FAM98A: variants seen among roughly 807,000 people sequenced by gnomAD.
FAM98A encodes the protein protein FAM98A.
FAM98A carries 25 observed loss-of-function variants against 62.9 expected under a neutral mutation model. The observed-to-expected ratio is 0.40, with a 90% confidence interval of 0.29 to 0.56. The LOEUF is 0.56. Among genes scored for constraint, FAM98A ranks in the 20% least tolerant of loss-of-function variants. FAM98A has a pLI of 0.51. For missense variants in FAM98A, 653 were observed against 640.7 expected, an observed-to-expected ratio of 1.02 and a Z score of -0.21; for synonymous variants, 252 against 228.6, an observed-to-expected ratio of 1.10 and a Z score of -0.92.
rs1369765897 is a variant in FAM98A at position 33,599,288 on chromosome 2, G to A, written c.-67C>T. Reference sequence around the variant, plus strand: ...CTTCGCCGGCAACGCGTACACTCGCGCATGCGCGACTTCCCCGGAACTTCC... The same window carrying A: ...CTTCGCCGGCAACGCGTACACTCGCACATGCGCGACTTCCCCGGAACTTCC... On this transcript the variant is annotated 5_prime_UTR_variant, in exon 1 of 8. Coordinates refer to ENST00000238823, the MANE Select transcript of FAM98A (RefSeq NM_015475.5). 8.9e-6 allele frequency: 12 copies of A among 1,351,572 alleles called. No individual in the cohort carries two copies. Among genetic ancestry groups the A allele is most frequent in the African/African-American group, 4.3e-5 (3 of 69,848 alleles). The allele number at this position is 1,351,572 out of a possible 1,614,324, so 83.7% of individuals were successfully genotyped here. A position where few individuals can be genotyped will look rare whatever the true frequency, so the allele number is the denominator to read the frequency against.
At chr2:33,594,480 G>A (rs1459199699) in intron 2 of FAM98A, among the ~76,000 whole-genome samples, 3 of 136,928 alleles carry the variant, frequency 2.2e-5, no homozygotes, top group South Asian at 2.3e-4. Flanking sequence ...CATGGCACAC[G>A]TATCCCTATG....
intron 1 of FAM98A, among the ~76,000 whole-genome samples, chr2:33,597,986 A>C (rs897452213): frequency 1.3e-5 from 2 of 152,224 alleles, no homozygotes; most frequent in Admixed American, 6.5e-5. Flanking sequence ...AATGACTTTA[A>C]CATATGCCCT....
intron 1 of FAM98A, 120 bp from the exon 2 acceptor site, chr2:33,595,757 A>C (rs1461856705): frequency 1.5e-6 from 1 of 645,942 alleles, no homozygotes; most frequent in Non-Finnish European, 2.4e-6. Context: ...GTTAGTACTT[A>C]TCTTTATTTT....
intron 3 of FAM98A, among the ~76,000 whole-genome samples, chr2:33,590,154 A>C (rs1301132373): frequency 6.6e-6 from 1 of 152,206 alleles, no homozygotes; most frequent in African/African-American, 2.4e-5. Flanking sequence ...ATGCAAAAAT[A>C]AAAGATGAAT....
In FAM98A at chr2:33,585,152, T is replaced by C. The variant is rs1677512978; in HGVS notation, c.1181A>G (p.Tyr394Cys). The change falls in exon 8 of 8, where the codon TAC (tyrosine) becomes TGC (cysteine). Residue 394 changes from tyrosine to cysteine, a missense_variant. Physicochemically the swap from Tyr to Cys is radical, Grantham distance 194. Transcript: ENST00000238823. ...TDGGSGGGGG[Y>C]QDGGYRDSGF... ...TGAATCTCGATAACCACCATCTTGG[T>C]AGCCACCTCCTCCACCACTCCCTCC... 3 of 1,614,008 alleles carry C rather than the reference T, an allele frequency of 1.9e-6. No individual in the cohort carries two copies. The highest frequency in any genetic ancestry group is 1.7e-5 in the Admixed American group (1 of 60,002).
Position 33,599,292 on chromosome 2 carries a change from G to T in FAM98A, c.-71C>A, listed in dbSNP as rs1558552571. The stretch of plus-strand genomic sequence containing the variant: ...GCCGGCAACGCGTACACTCGCGCAT[G>T]CGCGACTTCCCCGGAACTTCCAAAT... On this transcript the variant is annotated 5_prime_UTR_variant, in exon 1 of 8. Transcript: ENST00000238823. 7.7e-7 allele frequency: 1 copy of T among 1,298,302 alleles called. No homozygotes were observed. The highest frequency in any genetic ancestry group is 1.1e-6 in the Non-Finnish European group (1 of 891,644). 80.4% of individuals were successfully genotyped at this position (1,298,302 alleles called of 1,614,324 possible).
At chr2:33,589,352 C>T (rs1429440136) in intron 3 of FAM98A, 3 of 152,090 alleles carry the variant, frequency 2.0e-5, no homozygotes, top group Non-Finnish European at 2.9e-5. Context: ...AAGGACATTT[C>T]AATTTTTATA....
At chr2:33,587,149 T>G (rs965233151) in intron 5 of FAM98A, 91 bp downstream of exon 5, 24 of 817,122 alleles carry the variant, frequency 2.9e-5, no homozygotes, top group African/African-American at 5.2e-5. Context: ...TAAGAAAACA[T>G]AATTTAAAAA....
chr2:33,586,771 G>C, intron 5 of FAM98A, 93 bp from the exon 6 acceptor site: 1 of 758,402 alleles, frequency 1.3e-6, no homozygotes, highest in South Asian at 1.5e-5. Context: ...ATTCATAACT[G>C]AGATCCCGGC....
chr2:33,599,110 G>C, intron 1 of FAM98A, 59 bp downstream of exon 1: 1 of 1,402,274 alleles, frequency 7.1e-7, no homozygotes, highest in Admixed American at 1.7e-5. Flanking sequence ...GGGCGCAGGA[G>C]GTGTTCCCAG....
At chr2:33,588,298 C>CTT in intron 4 of FAM98A, 37 bp downstream of exon 4, 1 of 1,492,898 alleles carries the variant, frequency 6.7e-7, no homozygotes. Context: ...TAGGACTATG[C>CTT]CTTTAATACA....
At position 33,584,510 on chromosome 2, in the gene FAM98A, C is replaced by T; in HGVS notation, c.*266G>A. The T allele has an allele frequency of 2.3e-6, 1 of 426,480 alleles. No homozygotes were observed. The highest frequency in any genetic ancestry group is 2.0e-5 in the African/African-American group (1 of 50,504). The allele number at this position is 426,480 out of a possible 1,614,324, so 26.4% of individuals were successfully genotyped here. On this transcript the variant is annotated 3_prime_UTR_variant, in exon 8 of 8. Transcript: ENST00000238823. ...ATGTTCTGACTGTGGAATTAGTCTA[C>T]TGGGCAATTAAAGGCAATTTTAACC...
chr2:33,584,830 T>C lies in FAM98A; in HGVS notation c.1503A>G (p.Gly501=), dbSNP rs750498204. Residue 501 remains glycine (G), a synonymous_variant, in exon 8 of 8, where the codon GGA becomes GGG. Coordinates refer to ENST00000238823, the MANE Select transcript of FAM98A (RefSeq NM_015475.5). ...ATCCAGAATGATTATACTGATAACC[T>C]CCATGCTGGAAATGCTGTTCAAATT... ...GGQFEQHFQH[G]GYQYNHSGFG... is the part of the protein sequence containing the mutation. 1.9e-5 allele frequency: 30 copies of C among 1,614,036 alleles called. No individual in the cohort carries two copies. The highest frequency in any genetic ancestry group is 2.4e-5 in the Non-Finnish European group (28 of 1,179,940).
chr2:33,598,742 A>T (rs763539675), intron 1 of FAM98A, among the ~76,000 whole-genome samples: 1 of 152,102 alleles, frequency 6.6e-6, no homozygotes, highest in Non-Finnish European at 1.5e-5. Flanking sequence ...GGGGTGGGGT[A>T]GGAGGAGGGG....
Position 33,583,779 on chromosome 2 carries a change from T to G in FAM98A, c.*997A>C, listed in dbSNP as rs1173965240. ...ACCCAGCAAGAAGCATCATGTCATG[T>G]AGATTTCAGTAAGGGAGAATGTAAA... is the stretch of plus-strand genomic sequence containing the variant. On this transcript the variant is annotated 3_prime_UTR_variant, in exon 8 of 8. Transcript: ENST00000238823. The G allele has an allele frequency of 6.5e-6, 1 of 152,676 alleles. No homozygotes were observed. The highest frequency in any genetic ancestry group is 6.5e-5 in the Admixed American group (1 of 15,288). The allele number at this position is 152,676 out of a possible 1,614,324, so 9.5% of individuals were successfully genotyped here. A position where few individuals can be genotyped will look rare whatever the true frequency, so the allele number is the denominator to read the frequency against.
At chr2:33,596,765 G>A (rs765201370) in intron 1 of FAM98A, among the ~76,000 whole-genome samples, 5 of 151,832 alleles carry the variant, frequency 3.3e-5, no homozygotes, top group African/African-American at 7.3e-5. Context: ...GGTGGAGGGC[G>A]CCTGTAGTCT....
At chr2:33,597,968 T>C (rs1029621480) in intron 1 of FAM98A, among the ~76,000 whole-genome samples, 1 of 152,202 alleles carries the variant, frequency 6.6e-6, no homozygotes, top group African/African-American at 2.4e-5. Flanking sequence ...AAAGAGACTA[T>C]TTTGCTGAAT....
chr2:33,590,885 T>A (rs1677657182), intron 3 of FAM98A, among the ~76,000 whole-genome samples: 1 of 152,148 alleles, frequency 6.6e-6, no homozygotes, highest in Non-Finnish European at 1.5e-5. Flanking sequence ...GGGTCATTAG[T>A]AAGCATTCCA....
chr2:33,589,939 C>T (rs924875985), intron 3 of FAM98A: 88 of 152,188 alleles, frequency 5.8e-4, no homozygotes, highest in Middle Eastern at 3.4e-3. Context: ...AAATCATATA[C>T]TATATGATTT....
Sources: allele counts gnomAD v4.1 joint callset (sites outside exome capture counted in the v4.1 genomes callset), GRCh38; gene constraint gnomAD v4.1.1; transcripts MANE v1.5; gene names NCBI Gene and HGNC (gene_info 2026-07-23, HGNC 2026-07-21).